EXOC6B: variants seen among roughly 807,000 people sequenced by gnomAD.
The protein encoded by EXOC6B is exocyst complex component 6B.
Under a neutral mutation model 113.5 loss-of-function variants are expected in EXOC6B, and 54 were observed. The ratio of observed to expected loss-of-function variants is 0.48; its 90% CI spans 0.38 to 0.60. EXOC6B has a LOEUF of 0.60. Among genes scored for constraint, EXOC6B ranks in the 20% least tolerant of loss-of-function variants. The pLI is 0.00. For synonymous variants in EXOC6B, 357 were observed against 339.0 expected (o/e 1.05, Z -0.58); for missense variants, 797 against 977.5 (o/e 0.82, Z 2.46).
At chr2:72,353,620 C>T (rs190116266) in intron 19 of EXOC6B, among the ~76,000 whole-genome samples, 14 of 151,930 alleles carry the variant, frequency 9.2e-5, no homozygotes, top group East Asian at 3.9e-4. Context: ...GTGATCCGAC[C>T]GCCTCACCCT....
intron 20 of EXOC6B, among the ~76,000 whole-genome samples, chr2:72,222,782 T>G (rs1559031822): frequency 1.3e-5 from 2 of 152,178 alleles, no homozygotes; most frequent in African/African-American, 4.8e-5. Context: ...CACCAGCATT[T>G]CAAATAACTT....
At chr2:72,790,869 T>C (rs1323524770) in intron 1 of EXOC6B, among the ~76,000 whole-genome samples, 2 of 152,086 alleles carry the variant, frequency 1.3e-5, no homozygotes, top group African/African-American at 4.8e-5. Context: ...CATGTTCTCA[T>C]TTGCATGTGG....
At chr2:72,754,976 T>C (rs1193446214) in intron 1 of EXOC6B, among the ~76,000 whole-genome samples, 1 of 151,996 alleles carries the variant, frequency 6.6e-6, no homozygotes, top group Non-Finnish European at 1.5e-5. Flanking sequence ...TGAAACAAAA[T>C]CTATTGAAGC....
chr2:72,187,473 G>C (rs1422355963), intron 20 of EXOC6B, among the ~76,000 whole-genome samples: 1 of 152,062 alleles, frequency 6.6e-6, no homozygotes, highest in Non-Finnish European at 1.5e-5. Flanking sequence ...TTGAGCAATA[G>C]AACAGCTCAG....
chr2:72,712,563 C>T (rs67926386), intron 6 of EXOC6B, among the ~76,000 whole-genome samples: 40,739 of 152,148 alleles, frequency 0.27, 10,465 homozygotes, highest in African/African-American at 0.68. Context: ...GGATCATTTA[C>T]AGCAACTCAA....
At chr2:72,589,495 G>A (rs569483558) in intron 6 of EXOC6B, among the ~76,000 whole-genome samples, 56 of 151,372 alleles carry the variant, frequency 3.7e-4, no homozygotes, top group Non-Finnish European at 5.8e-4. Flanking sequence ...TATGTACTGA[G>A]TATTCAGAAT....
chr2:72,308,365 A>C (rs1687010414), intron 20 of EXOC6B, among the ~76,000 whole-genome samples: 1 of 152,188 alleles, frequency 6.6e-6, no homozygotes, highest in African/African-American at 2.4e-5. Flanking sequence ...TACTGTAGAC[A>C]TATTGAAAAC....
intron 18 of EXOC6B, among the ~76,000 whole-genome samples, chr2:72,384,963 TC>T (rs1416071440): frequency 6.6e-6 from 1 of 152,098 alleles, no homozygotes; most frequent in African/African-American, 2.4e-5. Context: ...CTCAATGCAA[TC>T]CTTATCACAA....
At chr2:72,272,071 G>A (rs1021683806) in intron 20 of EXOC6B, among the ~76,000 whole-genome samples, 8 of 152,152 alleles carry the variant, frequency 5.3e-5, no homozygotes, top group African/African-American at 1.9e-4. Flanking sequence ...AGTAGGAAAG[G>A]AGAATGGATG....
intron 20 of EXOC6B, among the ~76,000 whole-genome samples, chr2:72,248,748 CA>C (rs1225365811): frequency 6.6e-6 from 1 of 151,560 alleles, no homozygotes; most frequent in African/African-American, 2.4e-5. Context: ...TGCCTACTAC[CA>C]AAAAAAGACA....
chr2:72,554,680 A>G (rs1035859539), intron 8 of EXOC6B, among the ~76,000 whole-genome samples: 1 of 152,252 alleles, frequency 6.6e-6, no homozygotes, highest in Admixed American at 6.5e-5. Flanking sequence ...ATAATTACCC[A>G]GTCTCAGGTA....
chr2:72,681,376 A>G (rs1274067579), intron 6 of EXOC6B, among the ~76,000 whole-genome samples: 1 of 152,204 alleles, frequency 6.6e-6, no homozygotes, highest in East Asian at 1.9e-4. Flanking sequence ...ATATGGTATC[A>G]TACTATAATC....
intron 1 of EXOC6B, among the ~76,000 whole-genome samples, chr2:72,779,873 T>C (rs988369280): frequency 5.3e-5 from 8 of 152,100 alleles, no homozygotes; most frequent in Non-Finnish European, 1.2e-4. Context: ...ATGGGAAAAG[T>C]CCATTTTAGT....
chr2:72,578,147 A>G (rs7591303), intron 6 of EXOC6B, among the ~76,000 whole-genome samples: 134,593 of 152,032 alleles, frequency 0.89, 59,650 homozygotes, highest in East Asian at 0.99. Flanking sequence ...TTCCACCATC[A>G]CCTCATTTCC....
At chr2:72,689,860 G>A (rs564916441) in intron 6 of EXOC6B, among the ~76,000 whole-genome samples, 1 of 152,320 alleles carries the variant, frequency 6.6e-6, no homozygotes, top group East Asian at 1.9e-4. Context: ...ACTGTCGAAA[G>A]CATACATAAA....
intron 20 of EXOC6B, among the ~76,000 whole-genome samples, chr2:72,212,851 G>A (rs1283054655): frequency 6.6e-6 from 1 of 152,230 alleles, no homozygotes; most frequent in Non-Finnish European, 1.5e-5. Context: ...AGAACCTTAA[G>A]TGGTGTAGTA....
At chr2:72,230,037 G>A (rs1218745383) in intron 20 of EXOC6B, among the ~76,000 whole-genome samples, 2 of 152,020 alleles carry the variant, frequency 1.3e-5, no homozygotes, top group African/African-American at 4.8e-5. Flanking sequence ...AGTAAGGAGG[G>A]GGAGGAATGG....
At chr2:72,667,675 AG>A (rs1176312249) in intron 6 of EXOC6B, among the ~76,000 whole-genome samples, 1 of 152,248 alleles carries the variant, frequency 6.6e-6, no homozygotes, top group Non-Finnish European at 1.5e-5. Context: ...ACCCATATGC[AG>A]AAGAATGAAA....
intron 18 of EXOC6B, among the ~76,000 whole-genome samples, chr2:72,430,256 T>C (rs750399378): frequency 6.6e-6 from 1 of 152,198 alleles, no homozygotes; most frequent in African/African-American, 2.4e-5. Flanking sequence ...AAATACTATA[T>C]GTGGATGGAA....
Sources: gnomAD v4.1 joint callset for allele counts (sites outside exome capture counted in the v4.1 genomes callset) on GRCh38, gnomAD v4.1.1 for gene constraint, MANE v1.5 for transcripts, NCBI Gene and HGNC (gene_info 2026-07-23, HGNC 2026-07-21) for gene names.